The following ATP1B3 variants were observed in gnomAD, a reference collection of about 807,000 sequenced individuals.
ATP1B3 encodes sodium/potassium-transporting ATPase subunit beta-3.
Under a neutral mutation model 30.2 loss-of-function variants are expected in ATP1B3, and 10 were observed. That is an observed-to-expected ratio of 0.33 (90% CI 0.20 to 0.56). The LOEUF (loss-of-function observed/expected upper bound fraction) is 0.56. ATP1B3 is among the 20% of genes least tolerant of loss of function. ATP1B3 has a pLI of 0.90. For missense variants in ATP1B3, 238 were observed against 336.7 expected, an observed-to-expected ratio of 0.71 and a Z score of 2.29; for synonymous variants, 113 against 117.0, an observed-to-expected ratio of 0.97 and a Z score of 0.22.
At position 141,923,418 on chromosome 3, in the gene ATP1B3, A is replaced by G. The variant is rs575347405; in HGVS notation, c.669+1355A>G. Among the ~76,000 whole-genome samples, 11 of 152,356 alleles carry G rather than the reference A, an allele frequency of 7.2e-5. No homozygotes were observed. The East Asian group carries it at 1.5e-3, about 21-fold the overall frequency. ...GCCACGTGATGCCTTGCACCACCTC[A>G]GGACTCTGTTGAAAGTACCCAGCAG... is the stretch of plus-strand genomic sequence containing the variant. On this transcript the variant is annotated intron_variant, in intron 6 of 6. Coordinates refer to ENST00000286371, the MANE Select transcript of ATP1B3 (RefSeq NM_001679.4).
At chr3:141,879,197 G>T (rs1188609151) in intron 1 of ATP1B3, among the ~76,000 whole-genome samples, 1 of 152,070 alleles carries the variant, frequency 6.6e-6, no homozygotes, top group African/African-American at 2.4e-5. Flanking sequence ...TTTATATTCT[G>T]AGTATATTGT....
intron 3 of ATP1B3, among the ~76,000 whole-genome samples, chr3:141,911,639 C>T (rs6774412): frequency 0.42 from 63,590 of 151,680 alleles, 13,855 homozygotes; most frequent in East Asian, 0.65. Flanking sequence ...GGATTACAGG[C>T]TTGCGCCACC....
intron 5 of ATP1B3, among the ~76,000 whole-genome samples, chr3:141,920,267 A>G (rs1218700544): frequency 2.0e-5 from 3 of 152,038 alleles, no homozygotes; most frequent in African/African-American, 4.8e-5. Context: ...TAAGTGTGGT[A>G]TCTGGTAGGA....
chr3:141,904,253 A>G (rs916750938), intron 2 of ATP1B3, among the ~76,000 whole-genome samples: 1 of 151,184 alleles, frequency 6.6e-6, no homozygotes, highest in Non-Finnish European at 1.5e-5. Context: ...TCACATTTAT[A>G]TACTGATAAA....
intron 3 of ATP1B3, 138 bp downstream of exon 3, chr3:141,907,412 G>GAGGTCGAGACC: frequency 1.8e-6 from 1 of 553,318 alleles, no homozygotes; most frequent in Non-Finnish European, 3.0e-6. Context: ...CTGAGGTTAG[G>GAGGTCGAGACC]AGCCAGGTCT....
At chr3:141,925,497 A>G in intron 6 of ATP1B3, 34 bp from the exon 7 acceptor site, 1 of 1,560,162 alleles carries the variant, frequency 6.4e-7, no homozygotes, top group South Asian at 1.2e-5. Flanking sequence ...GTTTCCATAG[A>G]GTTTGAATTA....
intron 5 of ATP1B3, among the ~76,000 whole-genome samples, chr3:141,920,129 G>A (rs959228435): frequency 4.6e-5 from 7 of 152,124 alleles, no homozygotes; most frequent in African/African-American, 1.7e-4. Flanking sequence ...CACACAGAGA[G>A]CAGTTGAGCG....
intron 1 of ATP1B3, among the ~76,000 whole-genome samples, chr3:141,882,049 T>A (rs942081353): frequency 8.6e-5 from 13 of 151,634 alleles, no homozygotes; most frequent in Admixed American, 2.6e-4. Flanking sequence ...CCTGATGTAA[T>A]TCGATTTCTT....
At chr3:141,924,458 A>G (rs1405068619) in intron 6 of ATP1B3, among the ~76,000 whole-genome samples, 1 of 151,678 alleles carries the variant, frequency 6.6e-6, no homozygotes, top group African/African-American at 2.4e-5. Context: ...GGCCAACTTC[A>G]GTAGCAATGG....
In ATP1B3 at chr3:141,876,773, C is replaced by T. The variant is rs779125202; in HGVS notation, c.-29C>T. On this transcript the variant is annotated 5_prime_UTR_variant, in exon 1 of 7. Coordinates refer to ENST00000286371, the MANE Select transcript of ATP1B3 (RefSeq NM_001679.4). ...CTCGCCGCCTCCATCCCCGCGGCCG[C>T]AGCTCCTCTCGCCGTCCGCGCGCAC... is the stretch of plus-strand genomic sequence containing the variant. 44 of 1,569,658 alleles carry T rather than the reference C, an allele frequency of 2.8e-5. No homozygotes were observed. Among genetic ancestry groups the T allele is most frequent in the Non-Finnish European group, 2.8e-5 (32 of 1,151,192 alleles).
At chr3:141,877,101 C>T (rs1933615018) in intron 1 of ATP1B3, among the ~76,000 whole-genome samples, 191 bp downstream of exon 1, 1 of 151,050 alleles carries the variant, frequency 6.6e-6, no homozygotes, top group Admixed American at 6.6e-5. Context: ...CTGGCCGCAG[C>T]TCGCTCCCGA....
chr3:141,893,510 T>C (rs1037099734), intron 1 of ATP1B3, among the ~76,000 whole-genome samples: 9 of 152,192 alleles, frequency 5.9e-5, no homozygotes, highest in African/African-American at 1.7e-4. Context: ...ATTTTTCATA[T>C]ACTCCTTCTC....
chr3:141,926,003 T>C lies in ATP1B3; in HGVS notation c.*302T>C, dbSNP rs1366447859. 1.4e-5 allele frequency: 4 copies of C among 288,302 alleles called. No homozygotes were observed. The highest frequency in any genetic ancestry group is 8.6e-5 in the African/African-American group (4 of 46,376). The allele number at this position is 288,302 out of a possible 1,614,324, so 17.9% of individuals were successfully genotyped here. On this transcript the variant is annotated 3_prime_UTR_variant, in exon 7 of 7. Coordinates refer to ENST00000286371, the MANE Select transcript of ATP1B3 (RefSeq NM_001679.4). Reference sequence around the variant, plus strand: ...TTTTATGTGGTTTAATTGCCAAGTGTCTAAAGCTTAATATGCCGTGCTATG... The same window carrying C: ...TTTTATGTGGTTTAATTGCCAAGTGCCTAAAGCTTAATATGCCGTGCTATG...
chr3:141,913,705 T>G lies in ATP1B3; in HGVS notation c.400T>G (p.Phe134Val), dbSNP rs775251084. 1 of 1,613,732 alleles carries G rather than the reference T, an allele frequency of 6.2e-7. No homozygotes were observed. Among genetic ancestry groups the G allele is most frequent in the South Asian group, 1.1e-5 (1 of 91,062 alleles). ...CACAGTCTGTCCTGATGGAGCACTT[T>G]TTGAACAGAAGGGTCCAGTTTATGT... ...NLTVCPDGAL[F>V]EQKGPVYVAC... is the part of the protein sequence containing the mutation. Residue 134 changes from phenylalanine (F) to valine (V), a missense_variant, in exon 4 of 7, where the codon TTT (phenylalanine) becomes GTT (valine). Transcript: ENST00000286371.
chr3:141,901,462 A>G (rs868821879), intron 1 of ATP1B3, among the ~76,000 whole-genome samples: 5 of 152,210 alleles, frequency 3.3e-5, no homozygotes, highest in African/African-American at 7.2e-5. Flanking sequence ...TAAAAATTAG[A>G]TTTGGTTCTT....
At chr3:141,879,242 A>G (rs998607119) in intron 1 of ATP1B3, among the ~76,000 whole-genome samples, 1 of 152,178 alleles carries the variant, frequency 6.6e-6, no homozygotes, top group Non-Finnish European at 1.5e-5. Context: ...ATTTTTAGAC[A>G]GGTTTCCCTA....
At chr3:141,879,778 C>CAAAAAAAAAAAACA (rs199509329) in intron 1 of ATP1B3, among the ~76,000 whole-genome samples, 5 of 57,610 alleles carry the variant, frequency 8.7e-5, no homozygotes, top group African/African-American at 3.6e-4. Context: ...GTCTCCATCT[C>CAAAAAAAAAAAACA]AAAAAAAAAA....
chr3:141,923,220 G>A (rs1330063446), intron 6 of ATP1B3, among the ~76,000 whole-genome samples: 1 of 151,570 alleles, frequency 6.6e-6, no homozygotes, highest in Non-Finnish European at 1.5e-5. Context: ...AGAGATTGCA[G>A]TGAGCCAAGA....
chr3:141,925,225 G>A (rs1161468852), intron 6 of ATP1B3, among the ~76,000 whole-genome samples: 5 of 152,166 alleles, frequency 3.3e-5, no homozygotes, highest in Non-Finnish European at 7.3e-5. Flanking sequence ...CCAGCACTTT[G>A]GGAGGGTGAG....
Sources: gnomAD v4.1 joint callset for allele counts (sites outside exome capture counted in the v4.1 genomes callset) on GRCh38, gnomAD v4.1.1 for gene constraint, MANE v1.5 for transcripts, NCBI Gene and HGNC (gene_info 2026-07-23, HGNC 2026-07-21) for gene names.